The following BNC2 variants were observed in gnomAD, a reference collection of about 807,000 sequenced individuals.
The protein encoded by BNC2 is zinc finger protein basonuclin-2.
Under a neutral mutation model 76.3 loss-of-function variants are expected in BNC2, and 20 were observed. The ratio of observed to expected loss-of-function variants is 0.26; its 90% CI spans 0.18 to 0.38. The LOEUF (loss-of-function observed/expected upper bound fraction) is 0.38. Among genes scored for constraint, BNC2 ranks in the 10% least tolerant of loss-of-function variants. The pLI is 1.00. For missense variants in BNC2, 1,382 were observed against 1,399.8 expected, an observed-to-expected ratio of 0.99 and a Z score of 0.20; for synonymous variants, 582 against 514.8, an observed-to-expected ratio of 1.13 and a Z score of -1.77.
chr9:16,430,116 T>C, intron 6 of BNC2: 1 of 439,324 alleles, frequency 2.3e-6, no homozygotes. Flanking sequence ...GTGTGTTTGC[T>C]TCTGATGGAA....
intron 4 of BNC2, among the ~76,000 whole-genome samples, chr9:16,565,191 T>A (rs900699121): frequency 2.0e-5 from 3 of 152,170 alleles, no homozygotes; most frequent in Admixed American, 2.0e-4. Context: ...GTCTTTCCTC[T>A]GTTCAAAATT....
chr9:16,666,997 C>A (rs1201981617), intron 3 of BNC2, among the ~76,000 whole-genome samples: 1 of 151,460 alleles, frequency 6.6e-6, no homozygotes, highest in African/African-American at 2.4e-5. Flanking sequence ...AATTTAAAAC[C>A]AATAAAGAAC....
chr9:16,702,868 C>A (rs1823555915), intron 3 of BNC2, among the ~76,000 whole-genome samples: 1 of 152,182 alleles, frequency 6.6e-6, no homozygotes, highest in African/African-American at 2.4e-5. Flanking sequence ...AGTCACTTAT[C>A]CAAAGTCACA....
At chr9:16,847,613 TAATTTTGAC>T (rs1193675863) in intron 1 of BNC2, among the ~76,000 whole-genome samples, 1 of 152,188 alleles carries the variant, frequency 6.6e-6, no homozygotes, top group Admixed American at 6.5e-5. Flanking sequence ...TAGTATAACT[TAATTTTGAC>T]AATTAAAAGC....
chr9:16,592,996 G>A (rs934302418), intron 3 of BNC2, among the ~76,000 whole-genome samples: 3 of 151,678 alleles, frequency 2.0e-5, no homozygotes, highest in Non-Finnish European at 4.4e-5. Context: ...AAATATTTGC[G>A]GGGCAAAAAA....
chr9:16,649,257 C>T (rs1821726487), intron 3 of BNC2, among the ~76,000 whole-genome samples: 1 of 152,176 alleles, frequency 6.6e-6, no homozygotes, highest in African/African-American at 2.4e-5. Flanking sequence ...CCACCTGAAC[C>T]ACCCAGTGTT....
chr9:16,499,097 G>A (rs973706356), intron 5 of BNC2, among the ~76,000 whole-genome samples: 28 of 152,238 alleles, frequency 1.8e-4, no homozygotes, highest in African/African-American at 6.3e-4. Flanking sequence ...TTTAAAATAT[G>A]GACGCTAATG....
intron 1 of BNC2, among the ~76,000 whole-genome samples, chr9:16,858,848 AAAAAAAAG>A (rs1018220686): frequency 8.6e-5 from 13 of 151,992 alleles, no homozygotes; most frequent in African/African-American, 1.9e-4. Flanking sequence ...TCCATCTCAA[AAAAAAAAG>A]AAAAAAAGAA....
At chr9:16,862,389 A>G (rs889615895) in intron 1 of BNC2, among the ~76,000 whole-genome samples, 1 of 152,252 alleles carries the variant, frequency 6.6e-6, no homozygotes, top group Non-Finnish European at 1.5e-5. Flanking sequence ...ATATAGTGTT[A>G]TATAAAATAT....
rs150746592 is a variant in BNC2, at chr9:16,540,698, C to T, written c.669+11832G>A. On this transcript the variant is annotated intron_variant, in intron 5 of 6. Coordinates refer to ENST00000380672, the MANE Select transcript of BNC2 (RefSeq NM_017637.6). ...GATTTTAAAGGAGGCTTCAGTAAGT[C>T]GCTCTTTTGACAGGAGCATTCAGAT... Among the ~76,000 whole-genome samples the T allele has an allele frequency of 2.0e-4, 31 of 152,254 alleles. No homozygotes were observed. The East Asian group carries it at 5.6e-3, about 28-fold the overall frequency.
At chr9:16,516,240 TG>T (rs1047383378) in intron 5 of BNC2, among the ~76,000 whole-genome samples, 2 of 152,162 alleles carry the variant, frequency 1.3e-5, no homozygotes, top group Admixed American at 6.5e-5. Context: ...TTGGTTTGTT[TG>T]TTTTTTTTCA....
intron 6 of BNC2, 25 bp from the exon 7 acceptor site, chr9:16,419,674 G>A (rs1175862013): frequency 7.4e-6 from 4 of 541,930 alleles, no homozygotes; most frequent in Non-Finnish European, 1.3e-5. Context: ...GGGAAGGGGG[G>A]GTACGTGGAT....
At chr9:16,494,222 G>A (rs368909460) in intron 5 of BNC2, among the ~76,000 whole-genome samples, 2 of 151,860 alleles carry the variant, frequency 1.3e-5, no homozygotes, top group East Asian at 1.9e-4. Context: ...ACACAATCTC[G>A]GCTCACTGCA....
chr9:16,759,236 C>T (rs1223713003), intron 1 of BNC2, among the ~76,000 whole-genome samples: 1 of 152,180 alleles, frequency 6.6e-6, no homozygotes, highest in African/African-American at 2.4e-5. Context: ...GCTTAATTCA[C>T]TAATTGCTTT....
intron 5 of BNC2, among the ~76,000 whole-genome samples, chr9:16,461,247 G>A (rs1821572899): frequency 6.6e-6 from 1 of 152,002 alleles, no homozygotes; most frequent in South Asian, 2.1e-4. Flanking sequence ...TCCCTCTGTT[G>A]ATCTCTTTGT....
chr9:16,634,480 C>G (rs920811069), intron 3 of BNC2, among the ~76,000 whole-genome samples: 3 of 150,610 alleles, frequency 2.0e-5, no homozygotes, highest in Admixed American at 1.3e-4. Context: ...CAAATTTATC[C>G]TATAATTAGA....
chr9:16,824,801 A>C (rs1335420690), intron 1 of BNC2, among the ~76,000 whole-genome samples: 1 of 152,218 alleles, frequency 6.6e-6, no homozygotes, highest in Non-Finnish European at 1.5e-5. Flanking sequence ...GCAGAGGCAC[A>C]GTGAAAGAGA....
chr9:16,464,776 T>A (rs999312207), intron 5 of BNC2, among the ~76,000 whole-genome samples: 1 of 152,158 alleles, frequency 6.6e-6, no homozygotes, highest in Non-Finnish European at 1.5e-5. Flanking sequence ...TGTGATGCAA[T>A]GGTTTTTTCA....
intron 1 of BNC2, among the ~76,000 whole-genome samples, chr9:16,798,989 G>C (rs142823123): frequency 6.6e-6 from 1 of 152,264 alleles, no homozygotes; most frequent in East Asian, 1.9e-4. Context: ...AGGGGGCTCT[G>C]AGAGTCATAC....
Sources: allele counts gnomAD v4.1 joint callset (sites outside exome capture counted in the v4.1 genomes callset), GRCh38; gene constraint gnomAD v4.1.1; transcripts MANE v1.5; gene names NCBI Gene and HGNC (gene_info 2026-07-23, HGNC 2026-07-21).